CDH13: variants seen among roughly 807,000 people sequenced by gnomAD.
CDH13 encodes the protein cadherin-13.
In CDH13, 24 loss-of-function variants were observed where a neutral mutation model predicts 63.8. The ratio of observed to expected loss-of-function variants is 0.38; its 90% CI spans 0.27 to 0.53. CDH13 has a LOEUF of 0.53. Ranked by LOEUF, CDH13 falls within the 20% of genes least tolerant of loss-of-function variation. The probability of loss-of-function intolerance (pLI) is 0.85; values close to 1 mark genes in which losing one functional copy is unlikely to be tolerated. For missense variants in CDH13, 1,049 were observed against 903.1 expected, an observed-to-expected ratio of 1.16 and a Z score of -2.07; for synonymous variants, 503 against 355.3, an observed-to-expected ratio of 1.42 and a Z score of -4.67.
At chr16:82,748,977 T>G (rs1340315037) in intron 1 of CDH13, among the ~76,000 whole-genome samples, 1 of 152,180 alleles carries the variant, frequency 6.6e-6, no homozygotes, top group Admixed American at 6.5e-5. Context: ...GACCAATATA[T>G]GGCAAATGAG....
rs113191962 is a variant in CDH13 at position 83,256,580 on chromosome 16, C to G, written c.636+39083C>G. Among the ~76,000 whole-genome samples, 1,133 of 151,316 alleles carry G rather than the reference C, an allele frequency of 7.5e-3. 10 individuals are homozygous for G. The highest frequency in any genetic ancestry group is 0.026 in the African/African-American group (1,068 of 41,262). ...GGCACGGTGGCTCACGCCTGTAATC[C>G]CAGCACTTTGGGAGGCTGAGGCGGG... On this transcript the variant is annotated intron_variant, in intron 5 of 13. Transcript: ENST00000567109.
chr16:83,093,317 TTTTTTTTTTTTTTTTG>T (rs2034017262), intron 3 of CDH13, among the ~76,000 whole-genome samples: 1 of 125,626 alleles, frequency 8.0e-6, no homozygotes, highest in African/African-American at 3.3e-5. Context: ...TTTTTTTTTT[TTTTTTTTTTTTTTTTG>T]AGGTGGAGTC....
At chr16:83,706,118 C>A (rs367893286) in intron 10 of CDH13, among the ~76,000 whole-genome samples, 1 of 152,296 alleles carries the variant, frequency 6.6e-6, no homozygotes, top group African/African-American at 2.4e-5. Context: ...GGCCTGGGAG[C>A]TGATGTCATC....
At chr16:82,963,938 T>G (rs375826621) in intron 2 of CDH13, among the ~76,000 whole-genome samples, 1 of 152,284 alleles carries the variant, frequency 6.6e-6, no homozygotes, top group East Asian at 1.9e-4. Context: ...GACTCAGCAG[T>G]GCAACATCAG....
chr16:83,064,603 G>C (rs914424255), intron 3 of CDH13, among the ~76,000 whole-genome samples: 1 of 152,098 alleles, frequency 6.6e-6, no homozygotes, highest in East Asian at 1.9e-4. Flanking sequence ...AGATATTTTA[G>C]ATAACTTTTT....
At chr16:83,669,269 A>G (rs1914288758) in intron 8 of CDH13, among the ~76,000 whole-genome samples, 1 of 152,172 alleles carries the variant, frequency 6.6e-6, no homozygotes, top group African/African-American at 2.4e-5. Flanking sequence ...TAACCATAAT[A>G]GATTTTCATG....
chr16:83,048,375 G>A (rs556701712), intron 3 of CDH13, among the ~76,000 whole-genome samples: 151 of 152,254 alleles, frequency 9.9e-4, no homozygotes, highest in Non-Finnish European at 1.4e-3. Context: ...GGGGTGATAC[G>A]AAAATGACTT....
At chr16:82,968,040 C>CATAACTCACCAGCAGGATTCAG (rs1908118396) in intron 2 of CDH13, among the ~76,000 whole-genome samples, 1 of 152,172 alleles carries the variant, frequency 6.6e-6, no homozygotes. Context: ...GGCATGAGTC[C>CATAACTCACCAGCAGGATTCAG]TTCTACATTT....
At chr16:83,006,150 T>A (rs1913469106) in intron 2 of CDH13, among the ~76,000 whole-genome samples, 1 of 152,192 alleles carries the variant, frequency 6.6e-6, no homozygotes, top group Non-Finnish European at 1.5e-5. Context: ...AATTTTCATC[T>A]ACTGGCAGCT....
At position 82,644,204 on chromosome 16, in the gene CDH13, G is replaced by A. The variant is rs74030160; in HGVS notation, c.45+17067G>A. On this transcript the variant is annotated intron_variant, in intron 1 of 13. Transcript: ENST00000567109. This position sits in a 1 kb window ranked among gnomAD's most constrained non-coding sequence, Gnocchi z 5.7. ...ATGTTTGGCACCCTTTGGCTGGTGC[G>A]GCTGAAGAATTCAATAGCCTAGTAA... Among the ~76,000 whole-genome samples the A allele has an allele frequency of 0.079, 12,000 of 152,120 alleles. 663 individuals carry two copies. The highest frequency in any genetic ancestry group is 0.13 in the African/African-American group (5,297 of 41,482).
At chr16:82,831,237 A>G (rs759098774) in intron 1 of CDH13, among the ~76,000 whole-genome samples, 45 of 152,140 alleles carry the variant, frequency 3.0e-4, no homozygotes, top group Admixed American at 2.0e-3. Flanking sequence ...GCAGTCAGTG[A>G]TGGTGATTTG....
At chr16:83,587,243 A>G (rs1370812748) in intron 7 of CDH13, among the ~76,000 whole-genome samples, 1 of 152,218 alleles carries the variant, frequency 6.6e-6, no homozygotes, top group East Asian at 1.9e-4. Context: ...AGCAAAGCCA[A>G]CTTTGATTGC....
At chr16:83,718,322 T>G (rs72797290) in intron 10 of CDH13, among the ~76,000 whole-genome samples, 18,930 of 152,270 alleles carry the variant, frequency 0.12, 1,328 homozygotes, top group Admixed American at 0.16. Context: ...ACCCCAGTCA[T>G]TGTCCAGGCT....
intron 4 of CDH13, among the ~76,000 whole-genome samples, chr16:83,143,388 A>T (rs188984183): frequency 6.6e-6 from 1 of 152,228 alleles, no homozygotes; most frequent in Admixed American, 6.5e-5. Context: ...TATACATACT[A>T]TAAAACTCAT....
chr16:83,278,366 G>A (rs1440242034), intron 5 of CDH13, among the ~76,000 whole-genome samples: 1 of 152,134 alleles, frequency 6.6e-6, no homozygotes, highest in Non-Finnish European at 1.5e-5. Flanking sequence ...CTAAGCAAAA[G>A]GCACCTTCTA....
At chr16:83,581,438 A>T (rs1472020756) in intron 7 of CDH13, among the ~76,000 whole-genome samples, 1 of 152,134 alleles carries the variant, frequency 6.6e-6, no homozygotes, top group Non-Finnish European at 1.5e-5. Context: ...CCTTTTTCTG[A>T]AAGTTTCTCC....
At chr16:83,624,129 C>G (rs1007501203) in intron 8 of CDH13, among the ~76,000 whole-genome samples, 11 of 152,268 alleles carry the variant, frequency 7.2e-5, no homozygotes, top group African/African-American at 2.6e-4. Flanking sequence ...CTGCCTGTCT[C>G]TCTATGTTGG....
intron 4 of CDH13, among the ~76,000 whole-genome samples, chr16:83,191,464 T>TATAGATATATATATATATATATGCAC (rs1567492920): frequency 2.3e-4 from 21 of 92,500 alleles, no homozygotes; most frequent in Non-Finnish European, 4.3e-4. Flanking sequence ...AGGAAATATA[T>TATAGATATATATATATATATATGCAC]ATATATATAT....
chr16:82,856,455 A>T (rs2039698062), intron 1 of CDH13, among the ~76,000 whole-genome samples: 1 of 151,066 alleles, frequency 6.6e-6, no homozygotes, highest in Non-Finnish European at 1.5e-5. Context: ...TAGTCTTGGC[A>T]CTTTGGGAAG....
Sources: gnomAD v4.1 joint callset for allele counts (sites outside exome capture counted in the v4.1 genomes callset) on GRCh38, gnomAD v4.1.1 for gene constraint, Gnocchi (gnomAD v3.1) non-coding constraint, MANE v1.5 for transcripts, NCBI Gene and HGNC (gene_info 2026-07-23, HGNC 2026-07-21) for gene names.